Variants in PCDH15 observed in about 807,000 individuals in gnomAD.
PCDH15 encodes protocadherin-15.
Under a neutral mutation model 178.5 loss-of-function variants are expected in PCDH15, and 129 were observed. The ratio of observed to expected loss-of-function variants is 0.72; its 90% CI spans 0.63 to 0.84. The LOEUF is 0.84. Ranked by LOEUF, PCDH15 falls within the 40% of genes least tolerant of loss-of-function variation. The pLI, the probability that PCDH15 is intolerant of heterozygous loss-of-function variation, is 0.00. For synonymous variants in PCDH15, 800 were observed against 732.0 expected (o/e 1.09, Z -1.50); for missense variants, 2,230 against 2,099.9 (o/e 1.06, Z -1.21).
In PCDH15 at chr10:55,107,342, G is replaced by A. The variant is rs1411369334; in HGVS notation, c.-80+59234C>T. Among the ~76,000 whole-genome samples the A allele has an allele frequency of 2.0e-5, 3 of 152,092 alleles. 1 individual carries two copies. The highest frequency in any genetic ancestry group is 4.4e-5 in the Non-Finnish European group (3 of 68,010). ...CATAAGTTGGATGAGATATGGAAAT[G>A]TTAACAACAGGCTTATCAAGACACT... On this transcript the variant is annotated intron_variant, in intron 2 of 5. Coordinates refer to the PCDH15 transcript ENST00000458638.
At chr10:54,421,869 ACT>A (rs1955489979) in intron 3 of PCDH15, among the ~76,000 whole-genome samples, 1 of 71,528 alleles carries the variant, frequency 1.4e-5, no homozygotes, top group Admixed American at 1.4e-4. Context: ...ATATACACAC[ACT>A]ATATATATAT....
intron 2 of PCDH15, among the ~76,000 whole-genome samples, chr10:55,457,864 T>A (rs1195045742): frequency 1.3e-5 from 2 of 152,072 alleles, no homozygotes; most frequent in Non-Finnish European, 2.9e-5. Flanking sequence ...ACTGTATGTG[T>A]CACTATATTA....
intron 2 of PCDH15, among the ~76,000 whole-genome samples, chr10:54,563,890 A>G (rs1371587113): frequency 6.6e-6 from 1 of 152,156 alleles, no homozygotes; most frequent in East Asian, 1.9e-4. Context: ...AGTGTTGAAG[A>G]AAAAAACAAA....
intron 9 of PCDH15, among the ~76,000 whole-genome samples, chr10:54,235,762 T>G (rs115840090): frequency 6.6e-6 from 1 of 152,202 alleles, no homozygotes. Flanking sequence ...ATAAGAGTGA[T>G]TGACATACAG....
intron 3 of PCDH15, among the ~76,000 whole-genome samples, chr10:54,472,495 T>G (rs2077985212): frequency 1.3e-5 from 2 of 152,098 alleles, no homozygotes; most frequent in African/African-American, 4.8e-5. Context: ...TGTATGTGTG[T>G]TTTTTTCAAA....
At position 54,023,215 on chromosome 10, in the gene PCDH15, AAAAC is replaced by A. The variant is rs2092981449; in HGVS notation, c.2221-22_2221-19del. The A allele has an allele frequency of 1.2e-6, 2 of 1,609,894 alleles. No homozygotes were observed. Among genetic ancestry groups the A allele is most frequent in the African/African-American group, 1.3e-5 (1 of 74,868 alleles). On this transcript the variant is annotated intron_variant, in intron 18 of 37. Coordinates refer to ENST00000644397, the MANE Select transcript of PCDH15 (RefSeq NM_001384140.1). ...TCTGTTGCCTATTAAATAAAACAAA[AAAAC>A]AAAAAAATTCACGTAAGTTTTGACG...
intron 8 of PCDH15, among the ~76,000 whole-genome samples, chr10:54,239,430 T>TAGAGAGAGAGAG (rs1041471540): frequency 7.0e-6 from 1 of 142,664 alleles, no homozygotes; most frequent in African/African-American, 2.9e-5. Flanking sequence ...TATATATATA[T>TAGAGAGAGAGAG]ATAGAGTAAG....
Position 53,961,234 on chromosome 10 carries a change from A to ACAG in PCDH15, c.3009+517_3009+518insCTG, listed in dbSNP as rs561204033. Among the ~76,000 whole-genome samples, 337 of 152,208 alleles carry ACAG rather than the reference A, an allele frequency of 2.2e-3. 2 individuals are homozygous for ACAG. The highest frequency in any genetic ancestry group is 7.6e-3 in the African/African-American group (315 of 41,568). On this transcript the variant is annotated intron_variant, in intron 22 of 37. Coordinates refer to ENST00000644397, the MANE Select transcript of PCDH15 (RefSeq NM_001384140.1). ...AATTTTCTAGGATTGTAATATATCAATCTTATCTTAAAAAAGTGAGTAAGG... is the reference window on the plus strand; with the variant it reads ...AATTTTCTAGGATTGTAATATATCAACAGTCTTATCTTAAAAAAGTGAGTAAGG...
At chr10:55,455,364 T>C (rs1565157019) in intron 2 of PCDH15, among the ~76,000 whole-genome samples, 1 of 152,198 alleles carries the variant, frequency 6.6e-6, no homozygotes, top group Non-Finnish European at 1.5e-5. Context: ...GTTCACACTA[T>C]ATTTATCCTT....
At chr10:54,082,354 T>C (rs990251331) in intron 16 of PCDH15, among the ~76,000 whole-genome samples, 6 of 152,136 alleles carry the variant, frequency 3.9e-5, no homozygotes, top group Non-Finnish European at 7.3e-5. Flanking sequence ...TCTGGGTAAA[T>C]AGTTTCATGG....
chr10:54,920,066 C>G (rs1164982544), intron 2 of PCDH15, among the ~76,000 whole-genome samples: 1 of 152,124 alleles, frequency 6.6e-6, no homozygotes, highest in African/African-American at 2.4e-5. Context: ...ATGATCTATA[C>G]TCCTCTCGTT....
intron 2 of PCDH15, among the ~76,000 whole-genome samples, chr10:55,474,031 C>G (rs1256450425): frequency 1.3e-5 from 2 of 152,122 alleles, no homozygotes; most frequent in Non-Finnish European, 2.9e-5. Context: ...ACCCAGCCTA[C>G]TTGGCATGCA....
At chr10:54,738,894 G>T (rs978551696) in intron 1 of PCDH15, among the ~76,000 whole-genome samples, 24 of 151,860 alleles carry the variant, frequency 1.6e-4, no homozygotes, top group South Asian at 2.1e-4. Context: ...AACAAACTAA[G>T]TATAAAAGAA....
At chr10:54,202,492 A>T (rs939305464) in intron 10 of PCDH15, among the ~76,000 whole-genome samples, 1 of 152,090 alleles carries the variant, frequency 6.6e-6, no homozygotes, top group African/African-American at 2.4e-5. Context: ...GATGTACCTA[A>T]GAATAGAATG....
chr10:54,557,384 C>T (rs1012361176), intron 2 of PCDH15, among the ~76,000 whole-genome samples: 1 of 151,980 alleles, frequency 6.6e-6, no homozygotes, highest in African/African-American at 2.4e-5. Flanking sequence ...AGAATGGTGC[C>T]TAATATTACT....
intron 7 of PCDH15, among the ~76,000 whole-genome samples, chr10:54,328,980 G>GT (rs1938798786): frequency 6.6e-6 from 1 of 151,846 alleles, no homozygotes; most frequent in African/African-American, 2.4e-5. Context: ...GGATATCTAT[G>GT]TTTTATAAGT....
chr10:55,429,617 CACTT>C (rs891882871), intron 2 of PCDH15, among the ~76,000 whole-genome samples: 3 of 152,124 alleles, frequency 2.0e-5, no homozygotes, highest in African/African-American at 7.2e-5. Flanking sequence ...ATAGGACACT[CACTT>C]GCTTTGAAGG....
chr10:54,516,294 A>G (rs2082208008), intron 3 of PCDH15, among the ~76,000 whole-genome samples: 1 of 111,946 alleles, frequency 8.9e-6, no homozygotes, highest in Non-Finnish European at 1.7e-5. Context: ...AATGGCAAAC[A>G]AGTTAAAAAC....
At chr10:54,939,023 G>C (rs1837984759) in intron 2 of PCDH15, among the ~76,000 whole-genome samples, 1 of 152,100 alleles carries the variant, frequency 6.6e-6, no homozygotes, top group Non-Finnish European at 1.5e-5. Context: ...AACTGTGACA[G>C]TTTTCTGACC....
Sources: gnomAD v4.1 joint callset for allele counts (sites outside exome capture counted in the v4.1 genomes callset) on GRCh38, gnomAD v4.1.1 for gene constraint, MANE v1.5 for transcripts, NCBI Gene and HGNC (gene_info 2026-07-23, HGNC 2026-07-21) for gene names.